Variants in IGSF1 observed in about 807,000 individuals in gnomAD.
IGSF1 encodes the protein immunoglobulin-like domain-containing protein 1.
IGSF1 carries 40 observed loss-of-function variants against 95.3 expected under a neutral mutation model. That is an observed-to-expected ratio of 0.42 (90% CI 0.33 to 0.55). IGSF1 has a LOEUF of 0.55. IGSF1 is among the 20% of genes least tolerant of loss of function. IGSF1 has a pLI of 0.10. For missense variants in IGSF1, 906 were observed against 1,025.4 expected, an observed-to-expected ratio of 0.88 and a Z score of 1.59; for synonymous variants, 372 against 382.9, an observed-to-expected ratio of 0.97 and a Z score of 0.33.
At position 131,278,557 on chromosome X, in the gene IGSF1, C is replaced by T. The variant is rs1293600466; in HGVS notation, c.1945G>A (p.Ala649Thr). The change falls in exon 12 of 20, where the codon GCC becomes ACC. Residue 649 changes from alanine (A) to threonine (T), a missense_variant. Ala to Thr is a moderately conservative substitution (Grantham distance 58). Transcript: ENST00000361420. ...CTCCCGGTGTGGCTCTGGGTCAGGGCGCCAAGGGGGAAGGCAGCCCGGACC... is the reference window on the plus strand; with the variant it reads ...CTCCCGGTGTGGCTCTGGGTCAGGGTGCCAAGGGGGAAGGCAGCCCGGACC... Reference protein sequence around the residue: ...EQVRAAFPLGALTQSHTGSYH... With the variant: ...EQVRAAFPLGTLTQSHTGSYH... The T allele has an allele frequency of 7.4e-6, 9 of 1,209,242 alleles. No individual in the cohort carries two copies. The highest frequency in any genetic ancestry group is 1.8e-5 in the South Asian group (1 of 56,741).
In IGSF1 at chrX:131,281,796, T is replaced by C. The variant is rs368749875; in HGVS notation, c.1395A>G (p.Val465=). 1 of 1,211,574 alleles carries C rather than the reference T, an allele frequency of 8.3e-7. No individual in the cohort carries two copies. Residue 465 remains valine (V), a synonymous_variant, in exon 8 of 20, where the codon GTA becomes GTG. Coordinates refer to ENST00000361420, the MANE Select transcript of IGSF1 (RefSeq NM_001555.5). ...EERETFQKFS[V]NGDFIISNVD... is the part of the protein sequence containing the mutation. ...CATTACTGATGATGAAGTCTCCGTT[T>C]ACTGAGAATTTTTGGAATGTTTCTC...
intron 13 of IGSF1, 141 bp from the exon 14 acceptor site, chrX:131,277,367 G>A: frequency 3.4e-6 from 2 of 591,264 alleles, no homozygotes; most frequent in Non-Finnish European, 5.1e-6. Context: ...CATTTAAAAA[G>A]TAAGGTAAAT....
In IGSF1 at chrX:131,277,067, G is replaced by A. The variant is rs376887010; in HGVS notation, c.2480C>T (p.Pro827Leu). The A allele has an allele frequency of 2.2e-5, 26 of 1,208,856 alleles. No homozygotes were observed. Among genetic ancestry groups the A allele is most frequent in the East Asian group, 8.9e-5 (3 of 33,701 alleles). ...IASSDRSWAS[P>L]GASAAHFLII... ...TAGAAAGTGAGCTGCACTGGCCCCC[G>A]GACTTGCCCAGGACCTGTCACTGGA... The change falls in exon 14 of 20, where the codon CCG (proline) becomes CTG (leucine). Residue 827 changes from proline to leucine, a missense_variant. This residue lies in a region of IGSF1 where 411 missense variants were observed against 494.9 expected (regional missense o/e 0.83). Transcript: ENST00000361420.
intron 9 of IGSF1, among the ~76,000 whole-genome samples, chrX:131,280,668 T>A (rs1272796133): frequency 8.9e-6 from 1 of 112,014 alleles, no homozygotes; most frequent in Non-Finnish European, 1.9e-5. Context: ...CCCCGTCCAA[T>A]ATCACATCAG....
chrX:131,277,515 C>T, intron 13 of IGSF1: 1 of 372,196 alleles, frequency 2.7e-6, no homozygotes, highest in Non-Finnish European at 4.6e-6. Flanking sequence ...TCTGCTGATT[C>T]TCTGAGCCTC....
chrX:131,285,409 C>T lies in IGSF1; in HGVS notation c.437G>A (p.Cys146Tyr). 8.3e-7 allele frequency: 1 copy of T among 1,210,209 alleles called. No individual in the cohort carries two copies. Among genetic ancestry groups the T allele is most frequent in the East Asian group, 3.0e-5 (1 of 33,843 alleles). ...GCCATGGCAGAGGATGTTAACATTA[C>T]ACCCAGGAAGAGCGGGGGTCTCAGC... is the stretch of plus-strand genomic sequence containing the variant. The part of the protein sequence containing the change: ...IQAETPALPG[C>Y]NVNILCHGWL... The change falls in exon 5 of 20, where the codon TGT becomes TAT. Residue 146 changes from cysteine to tyrosine, a missense_variant. Physicochemically the swap from Cys to Tyr is radical, Grantham distance 194. Coordinates refer to ENST00000361420, the MANE Select transcript of IGSF1 (RefSeq NM_001555.5).
Position 131,286,612 on chromosome X carries a change from A to C in IGSF1, c.63T>G (p.Phe21Leu), listed in dbSNP as rs760227945. The change falls in exon 2 of 20, where the codon TTT becomes TTG. Residue 21 changes from phenylalanine (F) to leucine (L), a missense_variant. Physicochemically the swap from Phe to Leu is conservative, Grantham distance 22 (BLOSUM62 0). Around this residue, in one of 5 missense-constraint regions of IGSF1, gnomAD observed 442 missense variants for 448.1 expected, o/e 0.99. Coordinates refer to ENST00000361420, the MANE Select transcript of IGSF1 (RefSeq NM_001555.5). ...TMLKTFTVLLFCIRMSLGMTS... is the reference protein window; with the variant it reads ...TMLKTFTVLLLCIRMSLGMTS... Reference sequence around the variant, plus strand: ...CCCCTTCCTTGTACTCACGAATGCAAAAGAGCAAAACAGTGAATGTCTTCA... The same window carrying C: ...CCCCTTCCTTGTACTCACGAATGCACAAGAGCAAAACAGTGAATGTCTTCA... The C allele has an allele frequency of 2.5e-6, 3 of 1,206,823 alleles. No individual in the cohort carries two copies. Among genetic ancestry groups the C allele is most frequent in the Non-Finnish European group, 3.4e-6 (3 of 893,615 alleles).
chrX:131,279,417 T>C (rs1030153191), intron 9 of IGSF1, 76 bp from the exon 10 acceptor site: 1 of 810,017 alleles, frequency 1.2e-6, no homozygotes, highest in African/African-American at 2.0e-5. Flanking sequence ...CGGCAATTTA[T>C]GTCATTGGCT....
chrX:131,282,402 AAAAC>A, intron 7 of IGSF1, 38 bp downstream of exon 7: 1 of 1,124,283 alleles, frequency 8.9e-7, no homozygotes, highest in Non-Finnish European at 1.2e-6. Flanking sequence ...AATGATGATA[AAAAC>A]AAACAGGTTG....
chrX:131,286,574 C>G (rs1391910321), intron 2 of IGSF1, 31 bp downstream of exon 2: 1 of 1,193,104 alleles, frequency 8.4e-7, no homozygotes. Context: ...ATGACAGGGT[C>G]ACTTGCCCCT....
intron 13 of IGSF1, 134 bp downstream of exon 13, chrX:131,277,722 G>T: frequency 1.4e-6 from 1 of 695,101 alleles, no homozygotes; most frequent in Non-Finnish European, 2.1e-6. Context: ...CGCCACGCCT[G>T]CCTGGCTCTA....
chrX:131,277,756 C>G (rs1020807687), intron 13 of IGSF1, 100 bp downstream of exon 13: 1 of 960,717 alleles, frequency 1.0e-6, no homozygotes, highest in African/African-American at 1.9e-5. Flanking sequence ...GCTCTCAGGA[C>G]CAGCAGCAAA....
At chrX:131,278,834 C>T (rs941669560) in intron 11 of IGSF1, 83 bp from the exon 12 acceptor site, 1 of 882,517 alleles carries the variant, frequency 1.1e-6, no homozygotes, top group East Asian at 3.1e-5. Context: ...CTACCCAGAT[C>T]ACACTGCCCA....
chrX:131,285,597 T>C, intron 4 of IGSF1, 131 bp from the exon 5 acceptor site: 1 of 850,603 alleles, frequency 1.2e-6, no homozygotes, highest in Non-Finnish European at 1.6e-6. Flanking sequence ...TTCTCCTATC[T>C]CTGCTCCAGA....
At chrX:131,278,931 C>T (rs1244592383) in intron 11 of IGSF1, among the ~76,000 whole-genome samples, 180 bp from the exon 12 acceptor site, 2 of 111,375 alleles carry the variant, frequency 1.8e-5, no homozygotes, top group East Asian at 2.8e-4. Context: ...TGTCTTATAG[C>T]TGAGCCTCAG....
In IGSF1 at chrX:131,275,961, C is replaced by G; in HGVS notation, c.2896G>C (p.Asp966His). The change falls in exon 15 of 20, where the codon GAC (aspartate) becomes CAC (histidine). Residue 966 changes from aspartate to histidine, a missense_variant and splice_region_variant. By Grantham distance (81) the Asp-to-His change is moderately conservative. Around this residue, in one of 5 missense-constraint regions of IGSF1, gnomAD observed 411 missense variants for 494.9 expected, o/e 0.83. Transcript: ENST00000361420. ...AGTCCCATGTCCGGTCGGTCCTTAC[C>G]AGTCACCCAGATCATAAGGGGCATA... ...LSMPLMIWVTDTFPKPWLFAE... is the reference protein window; with the variant it reads ...LSMPLMIWVTHTFPKPWLFAE... The G allele has an allele frequency of 8.3e-7, 1 of 1,209,223 alleles. No homozygotes were observed. The highest frequency in any genetic ancestry group is 1.1e-6 in the Non-Finnish European group (1 of 893,983).
upstream of IGSF1, chrX:131,289,429 T>G (rs746823217): frequency 1.8e-4 from 62 of 344,582 alleles, no homozygotes; most frequent in Admixed American, 1.7e-3. Context: ...GCCTGGCACC[T>G]GCAGTCCTCT....
intron 19 of IGSF1, 46 bp downstream of exon 19, chrX:131,274,037 C>T (rs1312081707): frequency 8.3e-7 from 1 of 1,209,896 alleles, no homozygotes; most frequent in East Asian, 3.0e-5. Context: ...GTTTTTCTAG[C>T]ACCACCTGGT....
chrX:131,286,656 C>G lies in IGSF1; in HGVS notation c.19G>C (p.Gly7Arg). The change falls in exon 2 of 20, where the codon GGG becomes CGG. Residue 7 changes from glycine (G) to arginine (R), a missense_variant. Gly to Arg is a moderately radical substitution (Grantham distance 125). Coordinates refer to ENST00000361420, the MANE Select transcript of IGSF1 (RefSeq NM_001555.5). ...GTCTTCAGCATGGTGGCCCCCTCCCCTGGTCTGTCCAGGGTCATGGGGCCT... is the reference window on the plus strand; with the variant it reads ...GTCTTCAGCATGGTGGCCCCCTCCCGTGGTCTGTCCAGGGTCATGGGGCCT... MTLDRP[G>R]EGATMLKTFT... is the part of the protein sequence containing the mutation. The G allele has an allele frequency of 3.3e-6, 4 of 1,198,884 alleles. No individual in the cohort carries two copies. Among genetic ancestry groups the G allele is most frequent in the Non-Finnish European group, 4.5e-6 (4 of 891,195 alleles).
Sources: gnomAD v4.1 joint callset for allele counts (sites outside exome capture counted in the v4.1 genomes callset) on GRCh38, gnomAD v4.1.1 for gene constraint, gnomAD v4.1.1 regional missense constraint, MANE v1.5 for transcripts, NCBI Gene and HGNC (gene_info 2026-07-23, HGNC 2026-07-21) for gene names.